Variants in ABI3BP observed in about 807,000 individuals in gnomAD.
ABI3BP encodes the protein ABI family member 3 binding protein.
In ABI3BP, 216 loss-of-function variants were observed where a neutral mutation model predicts 268.6. That is an observed-to-expected ratio of 0.80 (90% CI 0.72 to 0.90). The LOEUF is 0.90. ABI3BP is among the 40% of genes least tolerant of loss of function. The pLI is 0.00. For synonymous variants in ABI3BP, 730 were observed against 730.0 expected (o/e 1.00, Z 0.00); for missense variants, 2,090 against 2,182.4 (o/e 0.96, Z 0.84).
At position 100,928,837 on chromosome 3, in the gene ABI3BP, GT is replaced by G. The variant is rs2062703150; in HGVS notation, c.80-2357del. Among the ~76,000 whole-genome samples the G allele has an allele frequency of 3.3e-5, 5 of 151,988 alleles. No homozygotes were observed. The South Asian group carries it at 1.0e-3, about 31-fold the overall frequency. ...CTGCTCTCTTTTCACTGAGAACTTTGTAACTATCCAAAAGAGTAAGGAGTGG... is the reference window on the plus strand; with the variant it reads ...CTGCTCTCTTTTCACTGAGAACTTTGAACTATCCAAAAGAGTAAGGAGTGG... On this transcript the variant is annotated intron_variant, in intron 1 of 67. Coordinates refer to ENST00000471714, the MANE Select transcript of ABI3BP (RefSeq NM_001375547.2).
chr3:100,989,115 T>C (rs972331772), intron 1 of ABI3BP, among the ~76,000 whole-genome samples: 2 of 152,166 alleles, frequency 1.3e-5, no homozygotes, highest in Admixed American at 6.5e-5. Context: ...AAAAGTCTTA[T>C]GGAGGAAATT....
intron 1 of ABI3BP, among the ~76,000 whole-genome samples, chr3:100,964,881 C>G (rs2080688203): frequency 6.6e-6 from 1 of 152,208 alleles, no homozygotes; most frequent in Non-Finnish European, 1.5e-5. Context: ...GTACCAGCCT[C>G]TCTTCTTTAA....
chr3:100,938,573 T>C (rs1301979999), intron 1 of ABI3BP, among the ~76,000 whole-genome samples: 1 of 152,114 alleles, frequency 6.6e-6, no homozygotes, highest in East Asian at 1.9e-4. Flanking sequence ...TAGAAATGTG[T>C]AGTCTTGTGT....
At chr3:100,786,779 T>G (rs2097060036) in intron 57 of ABI3BP, among the ~76,000 whole-genome samples, 1 of 152,168 alleles carries the variant, frequency 6.6e-6, no homozygotes, top group African/African-American at 2.4e-5. Flanking sequence ...AAATAGATAT[T>G]GAGATGCTTT....
Position 100,847,610 on chromosome 3 carries a change from G to A in ABI3BP, c.1640C>T (p.Thr547Ile). The A allele has an allele frequency of 6.2e-7, 1 of 1,611,614 alleles. No homozygotes were observed. The highest frequency in any genetic ancestry group is 1.1e-5 in the South Asian group (1 of 91,038). Residue 547 changes from threonine to isoleucine, a missense_variant, in exon 19 of 68, where the codon ACA becomes ATA. By Grantham distance (89) the Thr-to-Ile change is moderately conservative. Transcript: ENST00000471714. ...GGACATATCATTATTACCCGGTGTTGTCCATGTAGGTTCAGGGCTTTTAGA... is the reference window on the plus strand; with the variant it reads ...GGACATATCATTATTACCCGGTGTTATCCATGTAGGTTCAGGGCTTTTAGA... ...KISKSPEPTW[T>I]TPAPGKTQFI...
chr3:100,825,933 T>C, intron 34 of ABI3BP, 89 bp from the exon 35 acceptor site: 1 of 935,062 alleles, frequency 1.1e-6, no homozygotes. Flanking sequence ...TGTGTAACAC[T>C]GCCTCTAGGA....
intron 1 of ABI3BP, chr3:100,952,724 C>T (rs1199899153): frequency 6.6e-6 from 1 of 151,834 alleles, no homozygotes; most frequent in Non-Finnish European, 1.5e-5. Flanking sequence ...GTGAAGTGTT[C>T]CATATTTTCA....
intron 44 of ABI3BP, among the ~76,000 whole-genome samples, chr3:100,814,890 G>C (rs528592684): frequency 2.6e-4 from 39 of 152,182 alleles, no homozygotes; most frequent in African/African-American, 8.9e-4. Context: ...ATCTCCCTCA[G>C]CTATGAATCT....
At chr3:100,905,001 G>A (rs904737933) in intron 2 of ABI3BP, among the ~76,000 whole-genome samples, 1 of 152,110 alleles carries the variant, frequency 6.6e-6, no homozygotes, top group Non-Finnish European at 1.5e-5. Flanking sequence ...GCAAAGACTT[G>A]GCACCAACCC....
chr3:100,853,495 A>C (rs1389538857), intron 14 of ABI3BP, among the ~76,000 whole-genome samples: 2 of 152,170 alleles, frequency 1.3e-5, no homozygotes, highest in Non-Finnish European at 2.9e-5. Context: ...CTCTCACACT[A>C]GGTAAGAAAC....
intron 1 of ABI3BP, among the ~76,000 whole-genome samples, chr3:100,960,212 G>A (rs150423925): frequency 5.3e-5 from 8 of 152,174 alleles, no homozygotes; most frequent in Non-Finnish European, 1.0e-4. Flanking sequence ...AAAAATAATA[G>A]AGAAGTAAAG....
intron 51 of ABI3BP, among the ~76,000 whole-genome samples, chr3:100,804,079 C>T (rs949398077): frequency 6.6e-6 from 1 of 152,130 alleles, no homozygotes; most frequent in Non-Finnish European, 1.5e-5. Context: ...TTCCCAGATT[C>T]TCTAGTTAAA....
In ABI3BP at chr3:100,874,741, T is replaced by A. The variant is rs185570873; in HGVS notation, c.910+100A>T. The A allele has an allele frequency of 6.5e-5, 43 of 658,108 alleles. No individual in the cohort carries two copies. The Admixed American group carries it at 6.7e-4, about 10-fold the overall frequency. The allele number at this position is 658,108 out of a possible 1,614,324, so 40.8% of individuals were successfully genotyped here. A position where few individuals can be genotyped will look rare whatever the true frequency, so the allele number is the denominator to read the frequency against. On this transcript the variant is annotated intron_variant, in intron 9 of 67. Transcript: ENST00000471714. ...TTGCCTCTACTTTTTTACTTTGAGATCCTCAAACAGCTCATTAGCAAGATT... is the reference window on the plus strand; with the variant it reads ...TTGCCTCTACTTTTTTACTTTGAGAACCTCAAACAGCTCATTAGCAAGATT...
chr3:100,804,894 C>A, intron 50 of ABI3BP, 28 bp from the exon 51 acceptor site: 1 of 1,592,360 alleles, frequency 6.3e-7, no homozygotes, highest in East Asian at 2.2e-5. Context: ...TATTGTAAGT[C>A]ATTTGGTTTC....
rs568821880 is a variant in ABI3BP at position 100,766,956 on chromosome 3, A to C, written c.4742-1007T>G. ...GTATGAGATGGACATTGGAAATAAA[A>C]TAAAAAACTAGAATAACCCAGATAG... On this transcript the variant is annotated intron_variant, in intron 62 of 67. Coordinates refer to ENST00000471714, the MANE Select transcript of ABI3BP (RefSeq NM_001375547.2). 2.0e-5 allele frequency among the ~76,000 whole-genome samples: 3 copies of C among 152,318 alleles called. No individual in the cohort carries two copies. In the East Asian group the frequency reaches 5.8e-4, roughly 29 times the overall value.
chr3:100,815,826 C>T, intron 44 of ABI3BP, 86 bp downstream of exon 44: 1 of 897,506 alleles, frequency 1.1e-6, no homozygotes, highest in Non-Finnish European at 1.6e-6. Context: ...TCTTAGGAAG[C>T]AGAAGCAACT....
In ABI3BP at chr3:100,822,616, G is replaced by C. The variant is rs746610584; in HGVS notation, c.2860C>G (p.Arg954Gly). The C allele has an allele frequency of 5.2e-6, 8 of 1,536,584 alleles. No individual in the cohort carries two copies. In the South Asian group the frequency reaches 8.3e-5, roughly 16 times the overall value. The change falls in exon 38 of 68, where the codon CGT becomes GGT. Residue 954 changes from arginine to glycine, a missense_variant. Arg to Gly is a moderately radical substitution (Grantham distance 125, BLOSUM62 -2). Coordinates refer to ENST00000471714, the MANE Select transcript of ABI3BP (RefSeq NM_001375547.2). ...RPRLRTKTTP[R>G]PEAPESKPVP... ...GGTTTGGATTCAGGTGCTTCAGGAC[G>C]TGGTGTGGTTTTTGTTCTGAGACGT...
chr3:100,757,896 T>C (rs1222642335), intron 63 of ABI3BP, among the ~76,000 whole-genome samples: 1 of 152,182 alleles, frequency 6.6e-6, no homozygotes, highest in Non-Finnish European at 1.5e-5. Flanking sequence ...TGTGATAATT[T>C]AATTTTAAAA....
chr3:100,936,352 T>C (rs1425881628), intron 1 of ABI3BP, among the ~76,000 whole-genome samples: 4 of 152,348 alleles, frequency 2.6e-5, no homozygotes, highest in South Asian at 2.1e-4. Flanking sequence ...GATAAGCTTT[T>C]TGATGTGCTG....
Sources: gnomAD v4.1 joint callset for allele counts (sites outside exome capture counted in the v4.1 genomes callset) on GRCh38, gnomAD v4.1.1 for gene constraint, MANE v1.5 for transcripts, NCBI Gene and HGNC (gene_info 2026-07-23, HGNC 2026-07-21) for gene names.